CENPI: variants seen among roughly 807,000 people sequenced by gnomAD.
CENPI encodes FSH primary response 1.
A neutral mutation model predicts 60.4 loss-of-function variants in CENPI; 4 were observed. The observed-to-expected ratio is 0.07, with a 90% CI of 0.03 to 0.15. The LOEUF is 0.15. Among genes scored for constraint, CENPI ranks in the 10% least tolerant of loss-of-function variants. The pLI is 1.00. For missense variants in CENPI, 444 were observed against 534.5 expected, an observed-to-expected ratio of 0.83 and a Z score of 1.67; for synonymous variants, 157 against 189.4, an observed-to-expected ratio of 0.83 and a Z score of 1.40.
intron 6 of CENPI, among the ~76,000 whole-genome samples, chrX:101,117,336 G>T (rs775832195): frequency 9.0e-6 from 1 of 111,671 alleles, no homozygotes; most frequent in East Asian, 2.8e-4. Flanking sequence ...AAGTAGCTGG[G>T]ATTACAGGCA....
intron 8 of CENPI, among the ~76,000 whole-genome samples, chrX:101,121,927 C>T (rs762675678): frequency 4.7e-5 from 5 of 106,302 alleles, no homozygotes; most frequent in Non-Finnish European, 9.7e-5. Context: ...CTCAGCCTCC[C>T]GAGTAGCTGG....
intron 4 of CENPI, among the ~76,000 whole-genome samples, chrX:101,108,484 C>T (rs186736990): frequency 9.0e-6 from 1 of 110,548 alleles, no homozygotes; most frequent in African/African-American, 3.3e-5. Context: ...GCATGTGTCA[C>T]CACGCTCGGC....
At chrX:101,145,912 C>A (rs771385951) in intron 17 of CENPI, among the ~76,000 whole-genome samples, 1 of 109,536 alleles carries the variant, frequency 9.1e-6, no homozygotes, top group African/African-American at 3.3e-5. Context: ...AACTTTAAGA[C>A]CTTTCCCCCC....
In CENPI at chrX:101,164,299, C is replaced by T. The variant is rs961825418; in HGVS notation, c.*1332C>T. Among the ~76,000 whole-genome samples the T allele has an allele frequency of 3.6e-5, 4 of 111,114 alleles. No homozygotes were observed. The highest frequency in any genetic ancestry group is 1.3e-4 in the African/African-American group (4 of 30,562). ...GGTACTCTTCTGTGTGCTGGTTATACAGTTGTGACCAATACAAAGTACCCG... is the reference window on the plus strand; with the variant it reads ...GGTACTCTTCTGTGTGCTGGTTATATAGTTGTGACCAATACAAAGTACCCG... On this transcript the variant is annotated 3_prime_UTR_variant, in exon 22 of 22. Transcript: ENST00000682095.
rs911161807 is a variant in CENPI at position 101,163,714 on chromosome X, G to T, written c.*747G>T. 8.9e-6 allele frequency: 1 copy of T among 112,335 alleles called. No homozygotes were observed. Among genetic ancestry groups the T allele is most frequent in the African/African-American group, 3.2e-5 (1 of 30,948 alleles). The allele number at this position is 112,335 out of a possible 1,213,427, so 9.3% of individuals were successfully genotyped here. ...TGAAGTTTTAAAAAAGTTAATAATA[G>T]CTAGAATATCTTGCTGAAAATGTAC... is the stretch of plus-strand genomic sequence containing the variant. On this transcript the variant is annotated 3_prime_UTR_variant, in exon 22 of 22. Transcript: ENST00000682095.
At chrX:101,168,018 A>G (rs976142193), downstream of CENPI, among the ~76,000 whole-genome samples, 1 of 111,936 alleles carries the variant, frequency 8.9e-6, no homozygotes, top group Non-Finnish European at 1.9e-5. Context: ...ACAGCATGGT[A>G]TAATACCTAT....
chrX:101,119,912 T>C (rs1173227262), intron 6 of CENPI, among the ~76,000 whole-genome samples: 1 of 111,512 alleles, frequency 9.0e-6, no homozygotes, highest in Non-Finnish European at 1.9e-5. Flanking sequence ...CCTAGTACTT[T>C]AGGAGGCTGA....
chrX:101,145,280 C>A (rs1294352155), intron 17 of CENPI, 81 bp downstream of exon 17: 2 of 803,407 alleles, frequency 2.5e-6, no homozygotes, highest in Non-Finnish European at 3.6e-6. Context: ...ATTTCATGCA[C>A]AACCATTAAG....
chrX:101,129,952 A>G (rs745358988), intron 12 of CENPI, 30 bp from the exon 13 acceptor site: 3 of 974,395 alleles, frequency 3.1e-6, no homozygotes, highest in Non-Finnish European at 2.9e-6. Context: ...TGGTACAACT[A>G]GATGCTTATA....
chrX:101,115,633 G>C (rs1255701232), intron 6 of CENPI, among the ~76,000 whole-genome samples: 1 of 111,354 alleles, frequency 9.0e-6, no homozygotes, highest in African/African-American at 3.3e-5. Context: ...CAAAGTGCTG[G>C]AATTATAGAT....
chrX:101,174,570 A>T, the CENPI span, among the ~76,000 whole-genome samples: 1,859 of 111,127 alleles, frequency 0.017, 10 homozygotes, highest in Middle Eastern at 0.088. Context: ...GGAACAGAAA[A>T]CCAAATACCA....
chrX:101,168,133 C>T (rs778773276), downstream of CENPI, among the ~76,000 whole-genome samples: 1 of 112,775 alleles, frequency 8.9e-6, no homozygotes, highest in Non-Finnish European at 1.9e-5. Context: ...TGTACACATA[C>T]GTAAATCTGC....
At chrX:101,130,444 A>G (rs1406605469) in intron 13 of CENPI, among the ~76,000 whole-genome samples, 1 of 111,816 alleles carries the variant, frequency 8.9e-6, no homozygotes, top group African/African-American at 3.3e-5. Context: ...AAAAACAACA[A>G]CAACAAAAAA....
chrX:101,125,439 T>G (rs935083904), intron 8 of CENPI, among the ~76,000 whole-genome samples: 13 of 111,437 alleles, frequency 1.2e-4, no homozygotes, highest in Admixed American at 3.9e-4. Context: ...CTCCATCACC[T>G]AGGCTGGAGT....
intron 16 of CENPI, among the ~76,000 whole-genome samples, chrX:101,143,565 G>A (rs768549159): frequency 3.6e-5 from 4 of 112,407 alleles, no homozygotes; most frequent in Non-Finnish European, 7.5e-5. Context: ...TCACTCTGTC[G>A]CCCAGGCCAG....
intron 4 of CENPI, among the ~76,000 whole-genome samples, chrX:101,106,931 C>T (rs1018562024): frequency 2.2e-4 from 24 of 108,377 alleles, no homozygotes; most frequent in African/African-American, 7.4e-4. Context: ...TATGGTGGCA[C>T]GTGCCTGTAG....
chrX:101,111,658 A>G (rs2089555057), intron 6 of CENPI, among the ~76,000 whole-genome samples: 2 of 112,094 alleles, frequency 1.8e-5, no homozygotes, highest in East Asian at 2.8e-4. Flanking sequence ...GTCCTCCTGC[A>G]TGCTAAAGTA....
At position 101,165,852 on chromosome X, in the gene CENPI, G is replaced by GA. The variant is rs1395926034; in HGVS notation, c.*2891dup. ...GTGTGAAATGTTACCTATATACCTGGAAAAAAGCAACTTCAGCTGCTTTTT... is the reference window on the plus strand; with the variant it reads ...GTGTGAAATGTTACCTATATACCTGGAAAAAAAGCAACTTCAGCTGCTTTTT... On this transcript the variant is annotated 3_prime_UTR_variant, in exon 22 of 22. Coordinates refer to ENST00000682095, the MANE Select transcript of CENPI (RefSeq NM_001386188.2). Among the ~76,000 whole-genome samples, 1 of 111,563 alleles carries GA rather than the reference G, an allele frequency of 9.0e-6. No homozygotes were observed. Among genetic ancestry groups the GA allele is most frequent in the African/African-American group, 3.3e-5 (1 of 30,736 alleles).
chrX:101,155,282 C>T (rs974386567), intron 20 of CENPI, among the ~76,000 whole-genome samples: 3 of 110,919 alleles, frequency 2.7e-5, no homozygotes, highest in African/African-American at 6.6e-5. Flanking sequence ...CTCCACCTCC[C>T]GGTTTCAAGC....
Sources: gnomAD v4.1 joint callset for allele counts (sites outside exome capture counted in the v4.1 genomes callset) on GRCh38, gnomAD v4.1.1 for gene constraint, MANE v1.5 for transcripts, NCBI Gene and HGNC (gene_info 2026-07-23, HGNC 2026-07-21) for gene names.